Variants in CES5A observed in about 807,000 individuals in gnomAD.
CES5A encodes the protein carboxylesterase 5.
Under a neutral mutation model 62.9 loss-of-function variants are expected in CES5A, and 67 were observed. That is an observed-to-expected ratio of 1.07 (90% confidence interval 0.88 to 1.31). The LOEUF (loss-of-function observed/expected upper bound fraction) is 1.31. Ranked by LOEUF, CES5A falls within the 50% of genes most tolerant of loss-of-function variation. The pLI, the probability that CES5A is intolerant of heterozygous loss-of-function variation, is 0.00. For missense variants in CES5A, 748 were observed against 708.5 expected, an observed-to-expected ratio of 1.06 and a Z score of -0.63; for synonymous variants, 296 against 280.8, an observed-to-expected ratio of 1.05 and a Z score of -0.54.
intron 2 of CES5A, among the ~76,000 whole-genome samples, chr16:55,933,795 T>C (rs542195154): frequency 1.3e-5 from 2 of 152,340 alleles, no homozygotes; most frequent in South Asian, 4.1e-4. Context: ...GATTCTGTTA[T>C]AATGTAAAAC....
At chr16:55,948,115 A>T (rs1453905691) in intron 2 of CES5A, among the ~76,000 whole-genome samples, 1 of 152,182 alleles carries the variant, frequency 6.6e-6, no homozygotes, top group Non-Finnish European at 1.5e-5. Context: ...ATCAATTTAG[A>T]GGTTGATTTT....
At position 55,856,268 on chromosome 16, in the gene CES5A, G is replaced by A. The variant is rs9935331; in HGVS notation, c.1125+109C>T. 0.018 allele frequency: 16,125 copies of A among 901,454 alleles called. 1,117 individuals are homozygous for A. The African/African-American group carries it at 0.18, about 10-fold the overall frequency. 55.8% of individuals were successfully genotyped at this position (901,454 alleles called of 1,614,324 possible). A position where few individuals can be genotyped will look rare whatever the true frequency, so the allele number is the denominator to read the frequency against. On this transcript the variant is annotated intron_variant, in intron 9 of 12. Transcript: ENST00000290567. ...CTTAGTAAAGGTCTATTGAATGACT[G>A]AGTGAGTGAGGAGTGTCTGTGCCCT... is the stretch of plus-strand genomic sequence containing the variant.
At chr16:55,850,825 C>T (rs2142383388) in intron 10 of CES5A, among the ~76,000 whole-genome samples, 1 of 152,292 alleles carries the variant, frequency 6.6e-6, no homozygotes, top group African/African-American at 2.4e-5. Flanking sequence ...AGTGGCTGCA[C>T]TGTTTTATGT....
At chr16:55,917,494 A>G (rs2034158988) in intron 1 of CES5A, among the ~76,000 whole-genome samples, 1 of 152,230 alleles carries the variant, frequency 6.6e-6, no homozygotes, top group South Asian at 2.1e-4. Flanking sequence ...GGTTGTTGGC[A>G]GGGTTCTGTT....
intron 1 of CES5A, among the ~76,000 whole-genome samples, chr16:55,913,015 CAG>C (rs769380540): frequency 5.3e-5 from 8 of 152,152 alleles, no homozygotes; most frequent in Non-Finnish European, 1.0e-4. Flanking sequence ...TTTATCAAGA[CAG>C]GGGAATTGCA....
intron 5 of CES5A, among the ~76,000 whole-genome samples, chr16:55,863,723 G>A (rs1223382509): frequency 4.0e-5 from 6 of 151,650 alleles, no homozygotes; most frequent in Non-Finnish European, 5.9e-5. Context: ...AGGTAACCTC[G>A]GACAAGTTGC....
chr16:55,889,383 G>C (rs1430790680), intron 1 of CES5A, among the ~76,000 whole-genome samples: 1 of 152,130 alleles, frequency 6.6e-6, no homozygotes, highest in Non-Finnish European at 1.5e-5. Flanking sequence ...AGTAGGTTGT[G>C]ACTCTTACCA....
intron 5 of CES5A, among the ~76,000 whole-genome samples, chr16:55,864,300 G>A (rs2033412929): frequency 6.6e-6 from 1 of 152,192 alleles, no homozygotes; most frequent in Non-Finnish European, 1.5e-5. Flanking sequence ...CTATTCAGCA[G>A]AAGCTCTCTT....
upstream of CES5A, among the ~76,000 whole-genome samples, chr16:55,879,979 C>G (rs1340009387): frequency 6.6e-6 from 1 of 152,226 alleles, no homozygotes; most frequent in Non-Finnish European, 1.5e-5. Context: ...ATGCAGGCCT[C>G]CTCTCTAGAA....
chr16:55,936,714 C>G (rs1430946470), intron 2 of CES5A, among the ~76,000 whole-genome samples: 1 of 152,218 alleles, frequency 6.6e-6, no homozygotes, highest in Non-Finnish European at 1.5e-5. Context: ...CTGCTAGTAG[C>G]TTCCACCAGC....
intron 2 of CES5A, among the ~76,000 whole-genome samples, chr16:55,932,561 G>C (rs983984369): frequency 6.8e-6 from 1 of 147,994 alleles, no homozygotes. Flanking sequence ...GAAAATAATG[G>C]GGGGGGGAGG....
rs560216236 is a variant in CES5A at position 55,856,558 on chromosome 16, A to G, written c.1057-113T>C. The G allele has an allele frequency of 5.4e-4, 465 of 864,090 alleles. 4 individuals are homozygous for G. In the South Asian group the frequency reaches 6.3e-3, roughly 12 times the overall value. 53.5% of individuals were successfully genotyped at this position (864,090 alleles called of 1,614,324 possible). On this transcript the variant is annotated intron_variant, in intron 8 of 12. Coordinates refer to ENST00000290567, the MANE Select transcript of CES5A (RefSeq NM_001143685.2). ...AGGGGAAGTTGGATAAGGAGCCCTC[A>G]AGCCCAAGCAGCCACATGTGGAAGT... is the stretch of plus-strand genomic sequence containing the variant.
chr16:55,881,038 G>A (rs892040497), intron 1 of CES5A, among the ~76,000 whole-genome samples: 3 of 152,162 alleles, frequency 2.0e-5, no homozygotes, highest in South Asian at 2.1e-4. Flanking sequence ...ACCCTGAGAC[G>A]TGGAATTGGG....
chr16:55,902,724 T>C (rs961727276), intron 1 of CES5A, among the ~76,000 whole-genome samples: 1 of 152,180 alleles, frequency 6.6e-6, no homozygotes, highest in Non-Finnish European at 1.5e-5. Flanking sequence ...AGATATAATC[T>C]TATGCCTCTT....
chr16:55,953,551 GA>G (rs151045317), intron 1 of CES5A, among the ~76,000 whole-genome samples: 2 of 150,164 alleles, frequency 1.3e-5, no homozygotes, highest in African/African-American at 2.4e-5. Flanking sequence ...TTCACAAAAG[GA>G]AAAAAAAACC....
intron 9 of CES5A, among the ~76,000 whole-genome samples, chr16:55,854,047 G>C (rs1396133735): frequency 6.6e-6 from 1 of 152,142 alleles, no homozygotes; most frequent in African/African-American, 2.4e-5. Context: ...TGGTATAAGG[G>C]CCTGGCCTCT....
intron 2 of CES5A, among the ~76,000 whole-genome samples, chr16:55,872,389 A>C (rs1029920737): frequency 9.2e-5 from 14 of 151,858 alleles, no homozygotes; most frequent in African/African-American, 3.1e-4. Flanking sequence ...GTTCTACCAT[A>C]CCTCTTCTTC....
chr16:55,892,721 C>CA (rs1402900495), intron 1 of CES5A, among the ~76,000 whole-genome samples: 123 of 87,124 alleles, frequency 1.4e-3, no homozygotes, highest in East Asian at 5.5e-3. Context: ...ACAACAACAA[C>CA]AACAAAAAAA....
In CES5A at chr16:55,847,196, C is replaced by T. The variant is rs560184925; in HGVS notation, c.1424-356G>A. Among the ~76,000 whole-genome samples, 8 of 151,158 alleles carry T rather than the reference C, an allele frequency of 5.3e-5. No homozygotes were observed. In the South Asian group the frequency reaches 1.7e-3, roughly 32 times the overall value. ...TCTTCCTTCTCTCCATCCTCTCTTCCTTCTCTCTCCCTATCTCTCCCTTCC... is the reference window on the plus strand; with the variant it reads ...TCTTCCTTCTCTCCATCCTCTCTTCTTTCTCTCTCCCTATCTCTCCCTTCC... On this transcript the variant is annotated intron_variant, in intron 11 of 12. Coordinates refer to ENST00000290567, the MANE Select transcript of CES5A (RefSeq NM_001143685.2).
Sources: gnomAD v4.1 joint callset for allele counts (sites outside exome capture counted in the v4.1 genomes callset) on GRCh38, gnomAD v4.1.1 for gene constraint, MANE v1.5 for transcripts, NCBI Gene and HGNC (gene_info 2026-07-23, HGNC 2026-07-21) for gene names.